Variants in GATAD2A observed in about 807,000 individuals in gnomAD.
GATAD2A encodes GATA zinc finger domain containing 2A, also known as transcriptional repressor p66-alpha.
In GATAD2A, 12 loss-of-function variants were observed where a neutral mutation model predicts 68.5. That is an observed-to-expected ratio of 0.18 (90% CI 0.11 to 0.28). GATAD2A has a LOEUF of 0.28. Ranked by LOEUF, GATAD2A falls within the 10% of genes least tolerant of loss-of-function variation. The pLI is 1.00. For synonymous variants in GATAD2A, 410 were observed against 375.3 expected, an observed-to-expected ratio of 1.09 and a Z score of -1.07; for missense variants, 755 against 868.5, an observed-to-expected ratio of 0.87 and a Z score of 1.64.
intron 2 of GATAD2A, among the ~76,000 whole-genome samples, chr19:19,486,623 A>T (rs971273956): frequency 2.0e-5 from 3 of 152,150 alleles, no homozygotes; most frequent in East Asian, 1.9e-4. Flanking sequence ...GGTGCAGGGG[A>T]CGCAGGCTGT....
intron 1 of GATAD2A, among the ~76,000 whole-genome samples, chr19:19,431,793 T>C (rs1568279018): frequency 1.3e-5 from 2 of 151,842 alleles, no homozygotes; most frequent in African/African-American, 4.8e-5. Flanking sequence ...ACCCCTGCCC[T>C]TGTGGTGTGT....
rs2060913129 is a variant in GATAD2A, at chr19:19,507,445, A to G, written c.*1971A>G. 1 of 152,130 alleles carries G rather than the reference A, an allele frequency of 6.6e-6. No individual in the cohort carries two copies. Among genetic ancestry groups the G allele is most frequent in the African/African-American group, 2.4e-5 (1 of 41,406 alleles). The allele number at this position is 152,130 out of a possible 1,614,324, so 9.4% of individuals were successfully genotyped here. On this transcript the variant is annotated 3_prime_UTR_variant, in exon 12 of 12. Transcript: ENST00000683918. Reference sequence around the variant, plus strand: ...CTTCTTCCCACTGAAAGCCCTCCCCAGCGAACCAACCTCAGTTCTATGCAG... The same window carrying G: ...CTTCTTCCCACTGAAAGCCCTCCCCGGCGAACCAACCTCAGTTCTATGCAG...
intron 1 of GATAD2A, among the ~76,000 whole-genome samples, chr19:19,459,042 G>C (rs2057191291): frequency 6.6e-6 from 1 of 152,194 alleles, no homozygotes; most frequent in Admixed American, 6.5e-5. Context: ...CTGGGCTCAA[G>C]TGATGCTCCT....
At chr19:19,496,556 G>T (rs577728562) in intron 7 of GATAD2A, among the ~76,000 whole-genome samples, 1 of 152,378 alleles carries the variant, frequency 6.6e-6, no homozygotes, top group East Asian at 1.9e-4. Context: ...TAGGGGGATA[G>T]TCGAGGCCCA....
intron 1 of GATAD2A, among the ~76,000 whole-genome samples, chr19:19,441,048 C>G (rs964526038): frequency 3.4e-5 from 5 of 145,366 alleles, no homozygotes; most frequent in East Asian, 2.0e-4. Flanking sequence ...CTTTCCTTCC[C>G]TTCCTTCCGT....
chr19:19,405,529 G>T (rs938157992), upstream of GATAD2A, among the ~76,000 whole-genome samples: 1 of 152,088 alleles, frequency 6.6e-6, no homozygotes, highest in African/African-American at 2.4e-5. Context: ...CCAACGAGGT[G>T]TCGCGTGGGA....
chr19:19,458,086 GAGA>G (rs1336773311), intron 1 of GATAD2A, among the ~76,000 whole-genome samples: 3 of 152,236 alleles, frequency 2.0e-5, no homozygotes, highest in Non-Finnish European at 2.9e-5. Flanking sequence ...ACATGAGAGA[GAGA>G]AGATGTCTGT....
intron 2 of GATAD2A, among the ~76,000 whole-genome samples, chr19:19,485,666 AT>A (rs1380556385): frequency 6.6e-6 from 1 of 152,180 alleles, no homozygotes; most frequent in Non-Finnish European, 1.5e-5. Flanking sequence ...TAGTTTGGGA[AT>A]TGAGCCATAA....
At chr19:19,455,933 G>A (rs2056883086) in intron 1 of GATAD2A, among the ~76,000 whole-genome samples, 1 of 152,146 alleles carries the variant, frequency 6.6e-6, no homozygotes, top group Non-Finnish European at 1.5e-5. Flanking sequence ...GGCGGATCAC[G>A]AGGTCAGGAG....
intron 2 of GATAD2A, among the ~76,000 whole-genome samples, chr19:19,490,181 C>T (rs1471571401): frequency 6.6e-6 from 1 of 152,166 alleles, no homozygotes; most frequent in Non-Finnish European, 1.5e-5. Flanking sequence ...TGGTGAGAAG[C>T]TGCTTCATCA....
chr19:19,479,388 A>C (rs563210799), intron 2 of GATAD2A, among the ~76,000 whole-genome samples: 1 of 152,314 alleles, frequency 6.6e-6, no homozygotes, highest in Admixed American at 6.5e-5. Flanking sequence ...GCCAGGGTCC[A>C]TGTATTATTT....
chr19:19,502,664 T>C lies in GATAD2A; in HGVS notation c.1774+138T>C, dbSNP rs1218789373. On this transcript the variant is annotated intron_variant, in intron 11 of 11. Coordinates refer to ENST00000683918, the MANE Select transcript of GATAD2A (RefSeq NM_001384528.1). The stretch of plus-strand genomic sequence containing the variant: ...AGCTCAGCCTCCTCGGACTCTGGCT[T>C]TCCCTCTTGCCCCTAACCAGGATAC... The C allele has an allele frequency of 4.5e-6, 3 of 665,326 alleles. No individual in the cohort carries two copies. The East Asian group carries it at 8.2e-5, about 18-fold the overall frequency. 41.2% of individuals were successfully genotyped at this position (665,326 alleles called of 1,614,324 possible).
At chr19:19,420,007 T>TA in intron 1 of GATAD2A, among the ~76,000 whole-genome samples, 1 of 94,794 alleles carries the variant, frequency 1.1e-5, no homozygotes, top group Admixed American at 1.0e-4. Flanking sequence ...CATCTTGACT[T>TA]TTTTTTTTTT....
Position 19,479,068 on chromosome 19 carries a change from G to A in GATAD2A, c.270-13238G>A, listed in dbSNP as rs550480134. ...AGAAGAGGTTGGAGAGTGGAGGAGC[G>A]TTTCCATAGGCTTTTTGGATCATTG... On this transcript the variant is annotated intron_variant, in intron 2 of 11. Coordinates refer to ENST00000683918, the MANE Select transcript of GATAD2A (RefSeq NM_001384528.1). Among the ~76,000 whole-genome samples, 7 of 152,196 alleles carry A rather than the reference G, an allele frequency of 4.6e-5. No homozygotes were observed. The South Asian group carries it at 6.2e-4, about 14-fold the overall frequency.
At chr19:19,437,117 G>A (rs550359169) in intron 1 of GATAD2A, among the ~76,000 whole-genome samples, 74 of 152,236 alleles carry the variant, frequency 4.9e-4, no homozygotes, top group African/African-American at 1.8e-3. Context: ...TGAAACTTTC[G>A]TGGTACTTAT....
chr19:19,386,093 G>GC (rs2048390603), exon 1 of GATAD2A: 1 of 152,152 alleles, frequency 6.6e-6, no homozygotes, highest in South Asian at 2.1e-4. Context: ...GGACTGCGCC[G>GC]CCCGAGGCCG....
At chr19:19,411,357 G>A (rs936884034) in intron 1 of GATAD2A, among the ~76,000 whole-genome samples, 2 of 152,216 alleles carry the variant, frequency 1.3e-5, no homozygotes, top group Admixed American at 6.5e-5. Context: ...CAGGGCTTGT[G>A]GAAGCCAGCA....
rs2050138966 is a variant in GATAD2A, at chr19:19,405,684, C to G, written c.-342C>G. On this transcript the variant is annotated 5_prime_UTR_variant, in exon 1 of 12. Coordinates refer to ENST00000683918, the MANE Select transcript of GATAD2A (RefSeq NM_001384528.1). ...CCGCCCCTCGGTCGCCACGCCCCGC[C>G]CAGCCGGGCGCGGGCGGGCGGCGTC... 1 of 151,926 alleles carries G rather than the reference C, an allele frequency of 6.6e-6. No individual in the cohort carries two copies. Among genetic ancestry groups the G allele is most frequent in the Admixed American group, 6.6e-5 (1 of 15,264 alleles). 9.4% of individuals were successfully genotyped at this position (151,926 alleles called of 1,614,324 possible). A position where few individuals can be genotyped will look rare whatever the true frequency, so the allele number is the denominator to read the frequency against.
intron 1 of GATAD2A, among the ~76,000 whole-genome samples, chr19:19,438,790 C>T (rs1452451088): frequency 2.6e-5 from 4 of 152,216 alleles, no homozygotes; most frequent in East Asian, 1.9e-4. Context: ...AGTCTATAAA[C>T]AGTCGTGGCA....
Sources: gnomAD v4.1 joint callset for allele counts (sites outside exome capture counted in the v4.1 genomes callset) on GRCh38, gnomAD v4.1.1 for gene constraint, MANE v1.5 for transcripts, NCBI Gene and HGNC (gene_info 2026-07-23, HGNC 2026-07-21) for gene names.